Variants in PPHLN1 observed in about 807,000 individuals in gnomAD.
PPHLN1 encodes periphilin 1.
Under a neutral mutation model 51.3 loss-of-function variants are expected in PPHLN1, and 29 were observed. The observed-to-expected ratio is 0.57, with a 90% CI of 0.42 to 0.77. PPHLN1 has a LOEUF of 0.77. Ranked by LOEUF, PPHLN1 falls within the 30% of genes least tolerant of loss-of-function variation. The pLI, the probability that PPHLN1 is intolerant of heterozygous loss-of-function variation, is 0.00. For missense variants in PPHLN1, 436 were observed against 438.4 expected (o/e 0.99, Z 0.05); for synonymous variants, 147 against 147.8 (o/e 0.99, Z 0.04).
At chr12:42,352,770 A>G (rs2073538158) in intron 3 of PPHLN1, among the ~76,000 whole-genome samples, 1 of 152,062 alleles carries the variant, frequency 6.6e-6, no homozygotes, top group Non-Finnish European at 1.5e-5. Context: ...AAAGCACTCA[A>G]AACATCGTCA....
rs1340072203 is a variant in PPHLN1, at chr12:42,328,014, AT to A, written c.-21+1786del. ...CCAGTTTTTAAATGTTGTCAGTGGA[AT>A]AGAATTTTATTAAAAAAAAAAAAGT... On this transcript the variant is annotated intron_variant, in intron 1 of 9. Coordinates refer to ENST00000358314, the MANE Select transcript of PPHLN1 (RefSeq NM_201439.2). Among the ~76,000 whole-genome samples the A allele has an allele frequency of 2.0e-5, 3 of 152,240 alleles. No homozygotes were observed. In the East Asian group the frequency reaches 5.8e-4, roughly 29 times the overall value.
intron 9 of PPHLN1, among the ~76,000 whole-genome samples, chr12:42,419,905 A>G (rs1401964119): frequency 6.6e-6 from 1 of 152,180 alleles, no homozygotes; most frequent in Non-Finnish European, 1.5e-5. Flanking sequence ...TTCTATATGG[A>G]TAGTTGCGAG....
At chr12:42,376,896 A>T (rs2138819711) in intron 5 of PPHLN1, among the ~76,000 whole-genome samples, 1 of 152,276 alleles carries the variant, frequency 6.6e-6, no homozygotes. Flanking sequence ...TTTATTGTGG[A>T]GATTAATGTT....
At chr12:42,423,661 T>C (rs1442959070) in intron 9 of PPHLN1, among the ~76,000 whole-genome samples, 3 of 150,876 alleles carry the variant, frequency 2.0e-5, no homozygotes, top group Non-Finnish European at 4.4e-5. Flanking sequence ...TAGTAATTGT[T>C]TAGCTTTTAA....
At chr12:42,442,890 C>T (rs758551057), downstream of PPHLN1, 1 of 1,283,870 alleles carries the variant, frequency 7.8e-7, no homozygotes, top group Non-Finnish European at 1.0e-6. Context: ...CTCGGTTTCG[C>T]AGGCTCAATT....
chr12:42,396,615 C>CAAAAA (rs60131845), intron 8 of PPHLN1, among the ~76,000 whole-genome samples: 2,771 of 85,094 alleles, frequency 0.033, 528 homozygotes, highest in South Asian at 0.058. Flanking sequence ...CTTGTCACTA[C>CAAAAA]AAAAAAAAAA....
intron 2 of PPHLN1, among the ~76,000 whole-genome samples, chr12:42,343,378 A>ACAT (rs1166798736): frequency 2.0e-5 from 3 of 152,214 alleles, no homozygotes; most frequent in African/African-American, 7.2e-5. Context: ...TTTCAAACAT[A>ACAT]CATCAGTCAA....
intron 4 of PPHLN1, among the ~76,000 whole-genome samples, chr12:42,364,744 A>T (rs2075085298): frequency 6.6e-6 from 1 of 152,098 alleles, no homozygotes; most frequent in Non-Finnish European, 1.5e-5. Flanking sequence ...AACATGGGGA[A>T]ACCCCATCTC....
intron 1 of PPHLN1, chr12:42,332,741 G>A (rs746656672): frequency 6.2e-5 from 78 of 1,258,560 alleles, no homozygotes; most frequent in Non-Finnish European, 8.4e-5. Flanking sequence ...AGTAGTTATT[G>A]TTACATTTTT....
intron 7 of PPHLN1, among the ~76,000 whole-genome samples, chr12:42,390,818 GTTTTT>G (rs34282980): frequency 4.2e-5 from 5 of 118,586 alleles, no homozygotes; most frequent in Admixed American, 3.7e-4. Flanking sequence ...AGACCGTGAA[GTTTTT>G]TTTTTTTTTT....
chr12:42,425,640 G>A (rs1446665627), intron 9 of PPHLN1, among the ~76,000 whole-genome samples: 1 of 152,040 alleles, frequency 6.6e-6, no homozygotes, highest in African/African-American at 2.4e-5. Context: ...ACCTGCCTCG[G>A]CCTCCCAGAG....
downstream of PPHLN1, chr12:42,446,139 G>A (rs758863598): frequency 1.0e-5 from 16 of 1,583,702 alleles, 1 homozygote; most frequent in South Asian, 2.3e-5. Context: ...ACACAGCTTC[G>A]TCGGACGACA....
chr12:42,402,047 T>C (rs1181680847), intron 9 of PPHLN1, among the ~76,000 whole-genome samples: 1 of 152,040 alleles, frequency 6.6e-6, no homozygotes, highest in Non-Finnish European at 1.5e-5. Flanking sequence ...TTTGTAGAGA[T>C]GGGATTTCAC....
intron 9 of PPHLN1, among the ~76,000 whole-genome samples, chr12:42,411,903 C>CAAAAAAAAAAAAA (rs1212289027): frequency 2.9e-5 from 1 of 33,978 alleles, no homozygotes; most frequent in African/African-American, 1.2e-4. Context: ...GACTCAGTCT[C>CAAAAAAAAAAAAA]AAAAAAAAAA....
chr12:42,377,517 T>G lies in PPHLN1; in HGVS notation c.511+2443T>G, dbSNP rs1328600616. 2.0e-5 allele frequency among the ~76,000 whole-genome samples: 3 copies of G among 152,096 alleles called. No individual in the cohort carries two copies. In the East Asian group the frequency reaches 5.8e-4, roughly 29 times the overall value. On this transcript the variant is annotated intron_variant, in intron 5 of 9. Coordinates refer to ENST00000358314, the MANE Select transcript of PPHLN1 (RefSeq NM_201439.2). ...CAGGGTTGCACCATGTTGGCCAAGC[T>G]GGTCTCGAGCTCCTGACTTCAAGTG...
intron 9 of PPHLN1, among the ~76,000 whole-genome samples, chr12:42,425,855 T>C (rs2081412649): frequency 6.6e-6 from 1 of 152,182 alleles, no homozygotes; most frequent in African/African-American, 2.4e-5. Context: ...GATTTTAATA[T>C]TGAAAGAAAT....
At chr12:42,363,478 T>C (rs1033929567) in intron 4 of PPHLN1, among the ~76,000 whole-genome samples, 1 of 151,900 alleles carries the variant, frequency 6.6e-6, no homozygotes, top group Admixed American at 6.6e-5. Context: ...TGTTTCATGC[T>C]GTGGAACATA....
At chr12:42,373,314 A>G (rs1409003577) in intron 4 of PPHLN1, among the ~76,000 whole-genome samples, 1 of 135,582 alleles carries the variant, frequency 7.4e-6, no homozygotes, top group African/African-American at 2.5e-5. Context: ...GAATTCCTTA[A>G]TGCTCTATTT....
Position 42,388,224 on chromosome 12 carries a change from G to A in PPHLN1, c.648+689G>A, listed in dbSNP as rs1051047212. 2.6e-5 allele frequency among the ~76,000 whole-genome samples: 4 copies of A among 152,260 alleles called. No individual in the cohort carries two copies. In the East Asian group the frequency reaches 7.7e-4, roughly 29 times the overall value. On this transcript the variant is annotated intron_variant, in intron 7 of 9. Coordinates refer to ENST00000358314, the MANE Select transcript of PPHLN1 (RefSeq NM_201439.2). ...AGGCTACTGTCTCCTGCCTGCCCTG[G>A]GAACTGAATGTCTTGGTATAAAACC...
Sources: allele counts gnomAD v4.1 joint callset (sites outside exome capture counted in the v4.1 genomes callset), GRCh38; gene constraint gnomAD v4.1.1; transcripts MANE v1.5; gene names NCBI Gene and HGNC (gene_info 2026-07-23, HGNC 2026-07-21).